The following SLC30A8 variants were observed in gnomAD, a reference collection of about 807,000 sequenced individuals.
SLC30A8 encodes proton-coupled zinc antiporter SLC30A8.
A neutral mutation model predicts 36.9 loss-of-function variants in SLC30A8; 27 were observed. The observed-to-expected ratio is 0.73, with a 90% confidence interval of 0.54 to 1.01. The LOEUF is 1.01. Ranked by LOEUF, SLC30A8 falls within the 50% of genes least tolerant of loss-of-function variation. SLC30A8 has a pLI of 0.00. For synonymous variants in SLC30A8, 164 were observed against 172.4 expected (o/e 0.95, Z 0.38); for missense variants, 439 against 452.0 (o/e 0.97, Z 0.26).
At chr8:117,159,241 G>A (rs1445792534) in intron 4 of SLC30A8, among the ~76,000 whole-genome samples, 1 of 152,162 alleles carries the variant, frequency 6.6e-6, no homozygotes, top group African/African-American at 2.4e-5. Flanking sequence ...AGAAGCAATA[G>A]GAAACTCAGC....
At chr8:117,149,746 T>TG (rs1476303012) in intron 2 of SLC30A8, among the ~76,000 whole-genome samples, 1 of 152,196 alleles carries the variant, frequency 6.6e-6, no homozygotes, top group South Asian at 2.1e-4. Flanking sequence ...TGTCTTTTTA[T>TG]GGGGGGCATC....
At chr8:117,036,926 G>C (rs1817232566) in intron 1 of SLC30A8, among the ~76,000 whole-genome samples, 1 of 152,172 alleles carries the variant, frequency 6.6e-6, no homozygotes, top group Non-Finnish European at 1.5e-5. Flanking sequence ...TGCCTTAGAA[G>C]GCAGCTGTCC....
intron 2 of SLC30A8, among the ~76,000 whole-genome samples, chr8:117,078,982 C>G (rs1252435352): frequency 6.6e-6 from 1 of 151,796 alleles, no homozygotes; most frequent in Non-Finnish European, 1.5e-5. Flanking sequence ...GCCAATGTGC[C>G]TGGCCTGAAT....
chr8:117,020,472 T>C (rs1816663339), intron 1 of SLC30A8, among the ~76,000 whole-genome samples: 1 of 152,326 alleles, frequency 6.6e-6, no homozygotes, highest in East Asian at 1.9e-4. Flanking sequence ...CTGGTACTAA[T>C]TATTAAAGTT....
At chr8:116,987,034 T>G (rs1815468199) in intron 1 of SLC30A8, among the ~76,000 whole-genome samples, 1 of 152,100 alleles carries the variant, frequency 6.6e-6, no homozygotes, top group African/African-American at 2.4e-5. Flanking sequence ...AGACACAATA[T>G]GATAGCGCAC....
Position 116,954,718 on chromosome 8 carries a change from A to G in SLC30A8, c.-266+3599A>G, listed in dbSNP as rs1348757517. 2.0e-5 allele frequency among the ~76,000 whole-genome samples: 3 copies of G among 152,208 alleles called. No homozygotes were observed. The Middle Eastern group carries it at 9.5e-3, about 482-fold the overall frequency. ...CAAATAGTTTGGTTTTTAAGAGGAA[A>G]GGAGGAGATAGCTCAGTAGCTAGGC... is the stretch of plus-strand genomic sequence containing the variant. On this transcript the variant is annotated intron_variant, in intron 1 of 10. Coordinates refer to the SLC30A8 transcript ENST00000427715.
intron 2 of SLC30A8, among the ~76,000 whole-genome samples, chr8:117,124,340 G>C (rs1038958541): frequency 6.6e-6 from 1 of 151,882 alleles, no homozygotes; most frequent in African/African-American, 2.4e-5. Context: ...ACAGATCTCA[G>C]ATGCTCACAG....
intron 2 of SLC30A8, among the ~76,000 whole-genome samples, chr8:117,064,588 C>CT (rs1818112141): frequency 6.6e-6 from 1 of 152,334 alleles, no homozygotes; most frequent in Middle Eastern, 3.4e-3. Context: ...TCACAGGTTA[C>CT]TGATCAAAGT....
intron 1 of SLC30A8, among the ~76,000 whole-genome samples, chr8:116,994,978 A>G (rs1815767099): frequency 6.6e-6 from 1 of 152,158 alleles, no homozygotes; most frequent in Non-Finnish European, 1.5e-5. Context: ...CTTTCTCTCA[A>G]TTTCCCTTTT....
intron 1 of SLC30A8, among the ~76,000 whole-genome samples, chr8:116,995,285 G>T (rs1815777735): frequency 6.6e-6 from 1 of 151,974 alleles, no homozygotes; most frequent in Non-Finnish European, 1.5e-5. Flanking sequence ...GAAATTCCAA[G>T]AAATCATTTG....
At chr8:117,113,168 C>G (rs544992048) in intron 2 of SLC30A8, among the ~76,000 whole-genome samples, 43 of 152,226 alleles carry the variant, frequency 2.8e-4, no homozygotes, top group African/African-American at 9.6e-4. Context: ...AGCTTTTAAC[C>G]AGGATACTAA....
chr8:117,078,142 A>G (rs1168178762), intron 2 of SLC30A8, among the ~76,000 whole-genome samples: 1 of 152,234 alleles, frequency 6.6e-6, no homozygotes, highest in Non-Finnish European at 1.5e-5. Context: ...CATTCTTCCA[A>G]TAAATATAAT....
rs115964885 is a variant in SLC30A8, at chr8:117,012,924, C to G, written c.-265-26295C>G. Reference sequence around the variant, plus strand: ...ATGACAACAGTGTATCATCTGACAGCTCTAAGAAAAAGATCTAATAATTCA... The same window carrying G: ...ATGACAACAGTGTATCATCTGACAGGTCTAAGAAAAAGATCTAATAATTCA... On this transcript the variant is annotated intron_variant, in intron 1 of 10. Coordinates refer to the SLC30A8 transcript ENST00000427715. Among the ~76,000 whole-genome samples, 1,133 of 152,052 alleles carry G rather than the reference C, an allele frequency of 7.5e-3. 11 individuals are homozygous for G. Among genetic ancestry groups the G allele is most frequent in the African/African-American group, 0.025 (1,054 of 41,502 alleles).
chr8:117,040,859 A>G (rs1817362520), intron 2 of SLC30A8, among the ~76,000 whole-genome samples: 1 of 152,184 alleles, frequency 6.6e-6, no homozygotes, highest in Non-Finnish European at 1.5e-5. Context: ...ACCCCTATAC[A>G]TAGATCTCCT....
intron 1 of SLC30A8, among the ~76,000 whole-genome samples, chr8:116,951,880 C>T (rs1427488749): frequency 2.0e-5 from 3 of 151,756 alleles, no homozygotes; most frequent in Non-Finnish European, 4.4e-5. Context: ...GGATTGGGCT[C>T]TCATGTTGCT....
At chr8:117,098,436 C>G (rs539277816) in intron 2 of SLC30A8, among the ~76,000 whole-genome samples, 3 of 152,132 alleles carry the variant, frequency 2.0e-5, no homozygotes, top group African/African-American at 7.2e-5. Flanking sequence ...CTACTTTAAC[C>G]TTTGTCTTCA....
chr8:117,006,043 T>C (rs1816162360), intron 1 of SLC30A8, among the ~76,000 whole-genome samples: 2 of 152,042 alleles, frequency 1.3e-5, no homozygotes, highest in South Asian at 4.1e-4. Context: ...TTGTGAAAAA[T>C]GGAATTGGAT....
At chr8:117,005,078 A>T (rs1162887499) in intron 1 of SLC30A8, among the ~76,000 whole-genome samples, 2 of 152,132 alleles carry the variant, frequency 1.3e-5, no homozygotes, top group Non-Finnish European at 2.9e-5. Flanking sequence ...GAGTTGTGTA[A>T]CCGTTACCAC....
At position 117,007,696 on chromosome 8, in the gene SLC30A8, T is replaced by C. The variant is rs1435225244; in HGVS notation, c.-265-31523T>C. Among the ~76,000 whole-genome samples, 3 of 152,202 alleles carry C rather than the reference T, an allele frequency of 2.0e-5. No homozygotes were observed. In the East Asian group the frequency reaches 5.8e-4, roughly 29 times the overall value. ...TGACCCTCACAACAACTCTGCTGGATACCTATCGATTTCCATTTTATCCCT... is the reference window on the plus strand; with the variant it reads ...TGACCCTCACAACAACTCTGCTGGACACCTATCGATTTCCATTTTATCCCT... On this transcript the variant is annotated intron_variant, in intron 1 of 10. Coordinates refer to the SLC30A8 transcript ENST00000427715.
Sources: gnomAD v4.1 joint callset for allele counts (sites outside exome capture counted in the v4.1 genomes callset) on GRCh38, gnomAD v4.1.1 for gene constraint, MANE v1.5 for transcripts, NCBI Gene and HGNC (gene_info 2026-07-23, HGNC 2026-07-21) for gene names.